The following C8orf34 variants were observed in gnomAD, a reference collection of about 807,000 sequenced individuals.
The protein encoded by C8orf34 is uncharacterized protein C8orf34.
A neutral mutation model predicts 68.3 loss-of-function variants in C8orf34; 65 were observed. The observed-to-expected ratio is 0.95, with a 90% CI of 0.78 to 1.17. The LOEUF is 1.17. Ranked by LOEUF, C8orf34 falls within the 50% of genes most tolerant of loss-of-function variation. C8orf34 has a pLI of 0.00. For synonymous variants in C8orf34, 244 were observed against 241.2 expected (o/e 1.01, Z -0.11); for missense variants, 664 against 655.4 (o/e 1.01, Z -0.14).
intron 1 of C8orf34, among the ~76,000 whole-genome samples, chr8:68,409,150 T>A (rs1019140780): frequency 6.6e-6 from 1 of 152,246 alleles, no homozygotes; most frequent in Non-Finnish European, 1.5e-5. Flanking sequence ...TACTTGATAA[T>A]GATCATAAAT....
chr8:68,446,653 C>A, intron 3 of C8orf34, 193 bp downstream of exon 3: 1 of 575,406 alleles, frequency 1.7e-6, no homozygotes, highest in Non-Finnish European at 3.0e-6. Flanking sequence ...CTTATATTCT[C>A]AAACATGTGT....
chr8:68,747,949 C>G (rs1822561731), intron 10 of C8orf34, among the ~76,000 whole-genome samples: 2 of 152,006 alleles, frequency 1.3e-5, no homozygotes, highest in Non-Finnish European at 2.9e-5. Flanking sequence ...GCCAAAAGAA[C>G]AAAGCTGGAG....
intron 3 of C8orf34, among the ~76,000 whole-genome samples, chr8:68,466,861 C>G (rs1812170725): frequency 6.6e-6 from 1 of 150,484 alleles, no homozygotes; most frequent in African/African-American, 2.5e-5. Context: ...TGCCAGATTA[C>G]TTTTTAAAAA....
At chr8:68,675,817 A>G (rs137986534) in intron 8 of C8orf34, among the ~76,000 whole-genome samples, 1 of 152,324 alleles carries the variant, frequency 6.6e-6, no homozygotes, top group African/African-American at 2.4e-5. Context: ...ATGGATAAAA[A>G]TACAAACTCA....
At chr8:68,336,086 C>CA (rs1340917714) in intron 1 of C8orf34, among the ~76,000 whole-genome samples, 21 of 148,948 alleles carry the variant, frequency 1.4e-4, no homozygotes, top group Admixed American at 8.1e-4. Flanking sequence ...GACCCCATTA[C>CA]AAAAAAAAGA....
chr8:68,770,410 T>G (rs908531429), intron 10 of C8orf34, among the ~76,000 whole-genome samples: 3 of 152,252 alleles, frequency 2.0e-5, no homozygotes, highest in Non-Finnish European at 4.4e-5. Flanking sequence ...TTAGGGAACA[T>G]ACATGTTGGC....
At position 68,468,447 on chromosome 8, in the gene C8orf34, T is replaced by G. The variant is rs560862100; in HGVS notation, c.608-245T>G. ...TGTTATAGAAATGATTAGTTTTAAG[T>G]TAATACCTGAATTTTCTTTTTTCTA... On this transcript the variant is annotated intron_variant, in intron 3 of 13. Coordinates refer to ENST00000518698, the MANE Select transcript of C8orf34 (RefSeq NM_052958.4). Among the ~76,000 whole-genome samples the G allele has an allele frequency of 3.9e-4, 59 of 152,156 alleles. 1 individual carries two copies. The highest frequency in any genetic ancestry group is 3.3e-3 in the South Asian group (16 of 4,828).
intron 12 of C8orf34, among the ~76,000 whole-genome samples, chr8:68,814,531 TC>T (rs2129530080): frequency 6.6e-6 from 1 of 152,268 alleles, no homozygotes; most frequent in South Asian, 2.1e-4. Context: ...ACCTCCACCT[TC>T]AATCCAAATA....
chr8:68,390,578 T>G (rs1042406153), intron 1 of C8orf34, among the ~76,000 whole-genome samples: 1 of 152,188 alleles, frequency 6.6e-6, no homozygotes, highest in African/African-American at 2.4e-5. Flanking sequence ...TATCCTTTTT[T>G]CTTTGGCTAT....
At chr8:68,421,700 C>A (rs1317744968) in intron 1 of C8orf34, among the ~76,000 whole-genome samples, 2 of 152,116 alleles carry the variant, frequency 1.3e-5, no homozygotes, top group African/African-American at 4.8e-5. Context: ...AAATAGGGCA[C>A]CAGCAGGAAG....
At chr8:68,373,035 G>T (rs549099417) in intron 1 of C8orf34, among the ~76,000 whole-genome samples, 1 of 151,910 alleles carries the variant, frequency 6.6e-6, no homozygotes. Context: ...TGCTCTTGTT[G>T]CCCAGCCTGG....
chr8:68,512,911 A>G (rs1441249903), intron 5 of C8orf34, among the ~76,000 whole-genome samples: 1 of 151,308 alleles, frequency 6.6e-6, no homozygotes, highest in Non-Finnish European at 1.5e-5. Context: ...CTTCAAGGTA[A>G]AACTTGGTAA....
intron 8 of C8orf34, among the ~76,000 whole-genome samples, chr8:68,704,172 A>G: frequency 6.6e-6 from 1 of 152,192 alleles, no homozygotes; most frequent in East Asian, 1.9e-4. Flanking sequence ...GCAAACACAG[A>G]CATCTACATA....
chr8:68,348,859 C>T (rs1196698845), intron 1 of C8orf34, among the ~76,000 whole-genome samples: 1 of 151,816 alleles, frequency 6.6e-6, no homozygotes, highest in Non-Finnish European at 1.5e-5. Context: ...GTTGAAGGAG[C>T]TTTGGGGCTG....
intron 10 of C8orf34, among the ~76,000 whole-genome samples, chr8:68,725,755 A>G (rs531548906): frequency 6.6e-6 from 1 of 152,200 alleles, no homozygotes. Context: ...CCCAGTGCCC[A>G]AACTGTCTTT....
chr8:68,787,914 A>G (rs1823889669), intron 12 of C8orf34, among the ~76,000 whole-genome samples: 1 of 152,354 alleles, frequency 6.6e-6, no homozygotes, highest in African/African-American at 2.4e-5. Flanking sequence ...AATTATACTC[A>G]TTAGTTAAAT....
intron 2 of C8orf34, 148 bp downstream of exon 2, chr8:68,439,794 T>G: frequency 1.5e-6 from 1 of 655,586 alleles, no homozygotes; most frequent in Non-Finnish European, 2.4e-6. Context: ...ATGCTAAAAT[T>G]TGTCATAAAT....
intron 7 of C8orf34, among the ~76,000 whole-genome samples, chr8:68,634,999 G>A (rs1166182969): frequency 2.0e-5 from 3 of 152,066 alleles, no homozygotes; most frequent in African/African-American, 4.8e-5. Flanking sequence ...AGGGTTCTCT[G>A]TTCTCCCACA....
intron 4 of C8orf34, among the ~76,000 whole-genome samples, chr8:68,470,864 C>T (rs1320815588): frequency 1.3e-5 from 2 of 152,088 alleles, no homozygotes; most frequent in Non-Finnish European, 2.9e-5. Context: ...CCTCCTAACA[C>T]CATCACATTG....
Sources: allele counts gnomAD v4.1 joint callset (sites outside exome capture counted in the v4.1 genomes callset), GRCh38; gene constraint gnomAD v4.1.1; transcripts MANE v1.5; gene names NCBI Gene and HGNC (gene_info 2026-07-23, HGNC 2026-07-21).